The following PTH1R variants were observed in gnomAD, a reference collection of about 807,000 sequenced individuals.
PTH1R encodes the protein parathyroid hormone 1 receptor.
PTH1R carries 32 observed loss-of-function variants against 70.7 expected under a neutral mutation model. That is an observed-to-expected ratio of 0.45 (90% CI 0.34 to 0.61). The LOEUF (loss-of-function observed/expected upper bound fraction) is 0.61, where lower values mean the gene tolerates loss of function less well. Among genes scored for constraint, PTH1R ranks in the 20% least tolerant of loss-of-function variants. The pLI is 0.01. For missense variants in PTH1R, 626 were observed against 792.5 expected, an observed-to-expected ratio of 0.79 and a Z score of 2.52; for synonymous variants, 329 against 324.8, an observed-to-expected ratio of 1.01 and a Z score of -0.14.
rs1259800199 is a variant in PTH1R, at chr3:46,883,080, C to G, written c.-48-432C>G. Among the ~76,000 whole-genome samples, 2 of 151,574 alleles carry G rather than the reference C, an allele frequency of 1.3e-5. No homozygotes were observed. Among genetic ancestry groups the G allele is most frequent in the African/African-American group, 4.8e-5 (2 of 41,294 alleles). On this transcript the variant is annotated intron_variant, in intron 2 of 15. Coordinates refer to ENST00000449590, the MANE Select transcript of PTH1R (RefSeq NM_000316.3). This position sits in a 1 kb window ranked among gnomAD's most constrained non-coding sequence, Gnocchi z 6.4. Reference sequence around the variant, plus strand: ...CCCCCCGCAGACCGCGACCCCGACCCCTCCCCCGCCCCCTCCCCCCACTGG... The same window carrying G: ...CCCCCCGCAGACCGCGACCCCGACCGCTCCCCCGCCCCCTCCCCCCACTGG...
At position 46,879,167 on chromosome 3, in the gene PTH1R, G is replaced by C. The variant is rs1212310713; in HGVS notation, c.-106+1324G>C. On this transcript the variant is annotated intron_variant, in intron 1 of 15. Transcript: ENST00000449590. This position sits in a 1 kb window ranked among gnomAD's most constrained non-coding sequence, Gnocchi z 4.7. ...CAGGGGACTCTGGGGTGAGGCACAT[G>C]AGTTATGGCAGGAGGAATGCCCTTA... Among the ~76,000 whole-genome samples the C allele has an allele frequency of 1.3e-5, 2 of 152,174 alleles. No individual in the cohort carries two copies. The highest frequency in any genetic ancestry group is 2.9e-5 in the Non-Finnish European group (2 of 68,032).
rs772304416 is a variant in PTH1R at position 46,883,611 on chromosome 3, G to A, written c.52G>A (p.Val18Met). 24 of 1,544,250 alleles carry A rather than the reference G, an allele frequency of 1.6e-5. No homozygotes were observed. The South Asian group carries it at 2.0e-4, about 13-fold the overall frequency. ...PGLALLLCCPVLSSAYALVDA... is the reference protein window; with the variant it reads ...PGLALLLCCPMLSSAYALVDA... Reference sequence around the variant, plus strand: ...CCTGGCGCTCCTGCTCTGCTGCCCCGTGCTCAGCTCCGCGTACGCGCTGGT... The same window carrying A: ...CCTGGCGCTCCTGCTCTGCTGCCCCATGCTCAGCTCCGCGTACGCGCTGGT... Residue 18 changes from valine (V) to methionine (M), a missense_variant, in exon 3 of 16, where the codon GTG (valine) becomes ATG (methionine). By Grantham distance (21) the Val-to-Met change is conservative. Around this residue, in one of 3 missense-constraint regions of PTH1R, gnomAD observed 123 missense variants for 125.7 expected, o/e 0.98. Coordinates refer to ENST00000449590, the MANE Select transcript of PTH1R (RefSeq NM_000316.3). The surrounding 1 kb of genome is among the most constrained non-coding windows in gnomAD (Gnocchi z 6.4).
chr3:46,892,785 C>T lies in PTH1R; in HGVS notation c.76-1122C>T, dbSNP rs1487236783. 1.4e-5 allele frequency: 14 copies of T among 985,698 alleles called. No individual in the cohort carries two copies. Among genetic ancestry groups the T allele is most frequent in the Non-Finnish European group, 1.7e-5 (14 of 830,224 alleles). 61.1% of individuals were successfully genotyped at this position (985,698 alleles called of 1,614,324 possible). A position where few individuals can be genotyped will look rare whatever the true frequency, so the allele number is the denominator to read the frequency against. On this transcript the variant is annotated intron_variant, in intron 3 of 15. Coordinates refer to ENST00000449590, the MANE Select transcript of PTH1R (RefSeq NM_000316.3). The surrounding 1 kb of genome is among the most constrained non-coding windows in gnomAD (Gnocchi z 5.2). Reference sequence around the variant, plus strand: ...GGCGCGTCTGAAGGATGCAGCTCTGCCGCGGAGCTGAGGAGACGTAGCCTT... The same window carrying T: ...GGCGCGTCTGAAGGATGCAGCTCTGTCGCGGAGCTGAGGAGACGTAGCCTT...
In PTH1R at chr3:46,884,367, T is replaced by G. The variant is rs1334094580; in HGVS notation, c.75+733T>G. ...GAGGAGAGACAGAGACAAAGCCGGGTGGGGAGGAGAGATCCCCCCAGCTGG... is the reference window on the plus strand; with the variant it reads ...GAGGAGAGACAGAGACAAAGCCGGGGGGGGAGGAGAGATCCCCCCAGCTGG... On this transcript the variant is annotated intron_variant, in intron 3 of 15. Coordinates refer to ENST00000449590, the MANE Select transcript of PTH1R (RefSeq NM_000316.3). This position sits in a 1 kb window ranked among gnomAD's most constrained non-coding sequence, Gnocchi z 4.8. 6.6e-6 allele frequency among the ~76,000 whole-genome samples: 1 copy of G among 151,762 alleles called. No individual in the cohort carries two copies. The highest frequency in any genetic ancestry group is 2.4e-5 in the African/African-American group (1 of 41,242).
intron 7 of PTH1R, 43 bp downstream of exon 7, chr3:46,898,235 C>A (rs201063011): frequency 6.2e-7 from 1 of 1,603,736 alleles, no homozygotes; most frequent in Non-Finnish European, 8.5e-7. Context: ...GATAAATTCA[C>A]TCCCACCCCA....
chr3:46,898,886 G>A (rs1239689376), intron 9 of PTH1R, 29 bp downstream of exon 9: 23 of 1,467,958 alleles, frequency 1.6e-5, no homozygotes, highest in African/African-American at 2.9e-5. Context: ...GCCCGCTCCC[G>A]GTGCCGCCAC....
Position 46,883,534 on chromosome 3 carries a change from G to A in PTH1R, c.-26G>A, listed in dbSNP as rs1444382908. On this transcript the variant is annotated 5_prime_UTR_variant, in exon 3 of 16. Coordinates refer to ENST00000449590, the MANE Select transcript of PTH1R (RefSeq NM_000316.3). This position sits in a 1 kb window ranked among gnomAD's most constrained non-coding sequence, Gnocchi z 6.4. Reference sequence around the variant, plus strand: ...CAGGGCCGGCGGCGGCGGCTGCCCCGAGGGACGCGGCCCTAGGCGGTGGCG... The same window carrying A: ...CAGGGCCGGCGGCGGCGGCTGCCCCAAGGGACGCGGCCCTAGGCGGTGGCG... 5 of 1,503,724 alleles carry A rather than the reference G, an allele frequency of 3.3e-6. No homozygotes were observed. Among genetic ancestry groups the A allele is most frequent in the Non-Finnish European group, 4.4e-6 (5 of 1,132,084 alleles). 93.1% of individuals were successfully genotyped at this position (1,503,724 alleles called of 1,614,324 possible). A position where few individuals can be genotyped will look rare whatever the true frequency, so the allele number is the denominator to read the frequency against.
rs766284000 is a variant in PTH1R, at chr3:46,883,664, C to T, written c.75+30C>T. 29 of 1,545,488 alleles carry T rather than the reference C, an allele frequency of 1.9e-5. No individual in the cohort carries two copies. The highest frequency in any genetic ancestry group is 2.4e-5 in the Non-Finnish European group (28 of 1,146,622). On this transcript the variant is annotated intron_variant, in intron 3 of 15. Transcript: ENST00000449590. This position sits in a 1 kb window ranked among gnomAD's most constrained non-coding sequence, Gnocchi z 6.4. ...GTCCCCCGCCGCCAACACTCCGGGA[C>T]AGGCTGCGGGCTTACCCTAGGGTCC...
intron 10 of PTH1R, among the ~76,000 whole-genome samples, chr3:46,900,146 A>AC (rs1477998133): frequency 1.3e-5 from 2 of 152,096 alleles, no homozygotes; most frequent in Non-Finnish European, 2.9e-5. Flanking sequence ...TGCACTCAGC[A>AC]CCCAGAGGCC....
Position 46,895,746 on chromosome 3 carries a change from G to A in PTH1R, c.190G>A (p.Glu64Lys). The A allele has an allele frequency of 2.5e-6, 4 of 1,614,140 alleles. No individual in the cohort carries two copies. The highest frequency in any genetic ancestry group is 3.4e-6 in the Non-Finnish European group (4 of 1,180,040). The change falls in exon 5 of 16, where the codon GAA becomes AAA. Residue 64 changes from glutamate to lysine, a missense_variant. Physicochemically the swap from Glu to Lys is moderately conservative, Grantham distance 56 (BLOSUM62 1). Around this residue, in one of 3 missense-constraint regions of PTH1R, gnomAD observed 123 missense variants for 125.7 expected, o/e 0.98. Coordinates refer to ENST00000449590, the MANE Select transcript of PTH1R (RefSeq NM_000316.3). ...EVLQRPASIMESDKGWTSAST... is the reference protein window; with the variant it reads ...EVLQRPASIMKSDKGWTSAST... ...CCTGGTTTCTCCAGCCAGCATAATG[G>A]AATCAGACAAGGGATGGACATCTGC...
In PTH1R at chr3:46,899,258, C is replaced by G. The variant is rs779811103; in HGVS notation, c.835-45C>G. The G allele has an allele frequency of 3.7e-6, 6 of 1,612,774 alleles. No homozygotes were observed. In the Admixed American group the frequency reaches 5.0e-5, roughly 13 times the overall value. Reference sequence around the variant, plus strand: ...GCCCCCCAGCCCAGCCCTGACTTCCCGGAGGCAGGCCCTGCCCTCTGACTA... The same window carrying G: ...GCCCCCCAGCCCAGCCCTGACTTCCGGGAGGCAGGCCCTGCCCTCTGACTA... On this transcript the variant is annotated intron_variant, in intron 9 of 15. Transcript: ENST00000449590.
rs779366145 is a variant in PTH1R, at chr3:46,899,461, G to A, written c.988+5G>A. On this transcript the variant is annotated splice_donor_5th_base_variant and intron_variant, in intron 10 of 15. Transcript: ENST00000449590. ...GCTTCACAGTCTTCGGCTGGGGTAC[G>A]CGGGCACAGCGGGTAGCGAGGTGCC... is the stretch of plus-strand genomic sequence containing the variant. 5.6e-6 allele frequency: 9 copies of A among 1,609,300 alleles called. No homozygotes were observed. Among genetic ancestry groups the A allele is most frequent in the Non-Finnish European group, 7.6e-6 (9 of 1,177,856 alleles).
chr3:46,903,564 C>T lies in PTH1R; in HGVS notation c.1690C>T (p.Leu564Phe). The change falls in exon 16 of 16, where the codon CTC (leucine) becomes TTC (phenylalanine). Residue 564 changes from leucine (L) to phenylalanine (F), a missense_variant. Coordinates refer to ENST00000449590, the MANE Select transcript of PTH1R (RefSeq NM_000316.3). The surrounding 1 kb of genome is among the most constrained non-coding windows in gnomAD (Gnocchi z 4.4). ...GGCTGCTCCCAAGGACGATGGGTTCCTCAACGGCTCCTGCTCAGGCCTGGA... is the reference window on the plus strand; with the variant it reads ...GGCTGCTCCCAAGGACGATGGGTTCTTCAACGGCTCCTGCTCAGGCCTGGA... ...AMAAPKDDGF[L>F]NGSCSGLDEE... is the part of the protein sequence containing the mutation. 1 of 1,613,970 alleles carries T rather than the reference C, an allele frequency of 6.2e-7. No homozygotes were observed. Among genetic ancestry groups the T allele is most frequent in the Non-Finnish European group, 8.5e-7 (1 of 1,180,032 alleles).
rs1049660645 is a variant in PTH1R at position 46,897,912 on chromosome 3, G to A, written c.371G>A (p.Gly124Asp). ...HILCWPLGAP[G>D]EVVAVPCPDY... ...CTGTGCTGGCCGCTGGGGGCACCAG[G>A]TGAGGTGGTGGCTGTGCCCTGTCCG... The change falls in exon 6 of 16, where the codon GGT (glycine) becomes GAT (aspartate). Residue 124 changes from glycine (G) to aspartate (D), a missense_variant. Gly to Asp is a moderately conservative substitution (Grantham distance 94). Transcript: ENST00000449590. 1.5e-5 allele frequency: 24 copies of A among 1,613,958 alleles called. No individual in the cohort carries two copies. Among genetic ancestry groups the A allele is most frequent in the Non-Finnish European group, 2.0e-5 (24 of 1,180,046 alleles).
In PTH1R at chr3:46,879,359, C is replaced by T. The variant is rs1173792413; in HGVS notation, c.-106+1516C>T. Among the ~76,000 whole-genome samples, 1 of 152,218 alleles carries T rather than the reference C, an allele frequency of 6.6e-6. No individual in the cohort carries two copies. The highest frequency in any genetic ancestry group is 1.5e-5 in the Non-Finnish European group (1 of 68,038). On this transcript the variant is annotated intron_variant, in intron 1 of 15. Transcript: ENST00000449590. This position sits in a 1 kb window ranked among gnomAD's most constrained non-coding sequence, Gnocchi z 4.7. ...GTTTTATCTCTCAGTCCTTCCAATC[C>T]CTCCATTAATGTTCTTTTCTCATCA...
At chr3:46,899,701 G>C (rs2107047181) in intron 10 of PTH1R, among the ~76,000 whole-genome samples, 1 of 152,322 alleles carries the variant, frequency 6.6e-6, no homozygotes, top group South Asian at 2.1e-4. Context: ...CCCAGGAGAG[G>C]GAAAGGAGGA....
In PTH1R at chr3:46,884,154, G is replaced by T. The variant is rs1190062975; in HGVS notation, c.75+520G>T. ...TCTGGCTTCACCCAGGGTAGAAGCT[G>T]TTTCCCCAAGGAGGTGGGTGTGGTG... On this transcript the variant is annotated intron_variant, in intron 3 of 15. Coordinates refer to ENST00000449590, the MANE Select transcript of PTH1R (RefSeq NM_000316.3). This position sits in a 1 kb window ranked among gnomAD's most constrained non-coding sequence, Gnocchi z 4.8. Among the ~76,000 whole-genome samples the T allele has an allele frequency of 1.3e-5, 2 of 152,144 alleles. No individual in the cohort carries two copies. Among genetic ancestry groups the T allele is most frequent in the Non-Finnish European group, 2.9e-5 (2 of 68,014 alleles).
At position 46,892,475 on chromosome 3, in the gene PTH1R, G is replaced by A. The variant is rs774139737; in HGVS notation, c.76-1432G>A. 2.2e-4 allele frequency among the ~76,000 whole-genome samples: 33 copies of A among 152,152 alleles called. No homozygotes were observed. The highest frequency in any genetic ancestry group is 8.5e-4 in the Admixed American group (13 of 15,278). On this transcript the variant is annotated intron_variant, in intron 3 of 15. Coordinates refer to ENST00000449590, the MANE Select transcript of PTH1R (RefSeq NM_000316.3). The surrounding 1 kb of genome is among the most constrained non-coding windows in gnomAD (Gnocchi z 5.2). ...CACTCGAGAATGCGCTGCCACTCGC[G>A]CGCGCACGCACAGGGACGCGCACGC...
At chr3:46,898,316 C>G (rs893390478) in intron 7 of PTH1R, 62 bp from the exon 8 acceptor site, 11 of 1,590,850 alleles carry the variant, frequency 6.9e-6, no homozygotes, top group Admixed American at 1.7e-5. Context: ...GCCTCTTGCT[C>G]TTACCCTGAT....
Sources: gnomAD v4.1 joint callset for allele counts (sites outside exome capture counted in the v4.1 genomes callset) on GRCh38, gnomAD v4.1.1 for gene constraint, gnomAD v4.1.1 regional missense constraint, Gnocchi (gnomAD v3.1) non-coding constraint, MANE v1.5 for transcripts, NCBI Gene and HGNC (gene_info 2026-07-23, HGNC 2026-07-21) for gene names.